Variants in NCOR1 observed in about 807,000 individuals in gnomAD.
NCOR1 encodes protein phosphatase 1, regulatory subunit 109.
In NCOR1, 63 loss-of-function variants were observed where a neutral mutation model predicts 288.1. The ratio of observed to expected loss-of-function variants is 0.22; its 90% CI spans 0.18 to 0.27. NCOR1 has a LOEUF of 0.27. Among genes scored for constraint, NCOR1 ranks in the 10% least tolerant of loss-of-function variants. The pLI, the probability that NCOR1 is intolerant of heterozygous loss-of-function variation, is 1.00. For synonymous variants in NCOR1, 1,007 were observed against 1,065.9 expected, an observed-to-expected ratio of 0.94 and a Z score of 1.08; for missense variants, 2,397 against 3,019.2, an observed-to-expected ratio of 0.79 and a Z score of 4.83.
intron 14 of NCOR1, among the ~76,000 whole-genome samples, chr17:16,128,772 C>A (rs1172000869): frequency 6.6e-6 from 1 of 152,034 alleles, no homozygotes; most frequent in African/African-American, 2.4e-5. Flanking sequence ...TTTACCTATT[C>A]ATCAAAACCA....
At chr17:16,176,274 CTTTGT>C (rs1170973810) in intron 3 of NCOR1, among the ~76,000 whole-genome samples, 1 of 151,478 alleles carries the variant, frequency 6.6e-6, no homozygotes, top group Non-Finnish European at 1.5e-5. Context: ...TTTTGTTTTG[CTTTGT>C]TTTGTTTGAA....
chr17:16,137,991 AC>A (rs1406439437), intron 13 of NCOR1, 166 bp downstream of exon 13: 10 of 562,042 alleles, frequency 1.8e-5, no homozygotes, highest in African/African-American at 1.5e-4. Flanking sequence ...GTTCTGTGTT[AC>A]GATTTCTCTA....
chr17:16,056,027 C>G (rs2059873780), intron 40 of NCOR1, among the ~76,000 whole-genome samples: 1 of 152,126 alleles, frequency 6.6e-6, no homozygotes, highest in Non-Finnish European at 1.5e-5. Flanking sequence ...GTGTATTATA[C>G]TTGTTCTCTC....
intron 43 of NCOR1, 21 bp downstream of exon 43, chr17:16,040,420 A>G (rs189986783): frequency 6.2e-7 from 1 of 1,611,010 alleles, no homozygotes; most frequent in African/African-American, 1.3e-5. Flanking sequence ...GTATTGGTAA[A>G]TAATGTCTTT....
Position 16,039,780 on chromosome 17 carries a change from C to A in NCOR1, c.6734-126G>T, listed in dbSNP as rs958638428. 1.5e-5 allele frequency: 12 copies of A among 826,380 alleles called. No individual in the cohort carries two copies. In the Admixed American group the frequency reaches 2.9e-4, roughly 20 times the overall value. The allele number at this position is 826,380 out of a possible 1,614,324, so 51.2% of individuals were successfully genotyped here. ...CAAGTGACCTAGAACAATACCAGGA[C>A]CCACCACACAGAGACCTTTTTTTTT... On this transcript the variant is annotated intron_variant, in intron 43 of 45. Coordinates refer to ENST00000268712, the MANE Select transcript of NCOR1 (RefSeq NM_006311.4).
chr17:16,056,308 CTT>C (rs71299858), intron 40 of NCOR1, among the ~76,000 whole-genome samples: 110 of 96,006 alleles, frequency 1.1e-3, no homozygotes, highest in African/African-American at 3.7e-3. Flanking sequence ...TTCTTTTTAT[CTT>C]TTTTTTTTTT....
At chr17:16,194,901 G>A (rs2089423664) in intron 1 of NCOR1, among the ~76,000 whole-genome samples, 1 of 152,126 alleles carries the variant, frequency 6.6e-6, no homozygotes, top group Non-Finnish European at 1.5e-5. Context: ...ATAAGATCTG[G>A]CACATAATAA....
intron 1 of NCOR1, among the ~76,000 whole-genome samples, chr17:16,202,761 C>T (rs550435737): frequency 6.6e-6 from 1 of 152,110 alleles, no homozygotes; most frequent in Admixed American, 6.6e-5. Context: ...CTGCTGCCTC[C>T]CCTTTGACCC....
intron 23 of NCOR1, among the ~76,000 whole-genome samples, chr17:16,085,362 G>GTAATTCCACT (rs746351698): frequency 3.6e-4 from 55 of 152,232 alleles, no homozygotes; most frequent in Admixed American, 1.8e-3. Flanking sequence ...CACAAACCTA[G>GTAATTCCACT]TAATTCCACT....
At chr17:16,215,242 TGC>T (rs1272300596) in intron 1 of NCOR1, 118 bp downstream of exon 1, 4 of 382,722 alleles carry the variant, frequency 1.0e-5, no homozygotes, top group Non-Finnish European at 1.8e-5. Context: ...TGCCCAGGCC[TGC>T]GACACCCCCC....
intron 18 of NCOR1, among the ~76,000 whole-genome samples, chr17:16,112,768 C>A (rs542864453): frequency 2.6e-5 from 4 of 152,210 alleles, no homozygotes; most frequent in African/African-American, 4.8e-5. Context: ...GGATTAAAGG[C>A]GTGAGCCACT....
At chr17:16,181,329 G>A (rs1004891116) in intron 3 of NCOR1, among the ~76,000 whole-genome samples, 41 of 148,784 alleles carry the variant, frequency 2.8e-4, no homozygotes, top group African/African-American at 9.4e-4. Flanking sequence ...CTGAAACCAC[G>A]CTGAAATAAG....
At chr17:16,041,776 G>A (rs906143743) in intron 42 of NCOR1, among the ~76,000 whole-genome samples, 22 of 148,470 alleles carry the variant, frequency 1.5e-4, no homozygotes, top group African/African-American at 2.5e-4. Context: ...TCACTCTGCC[G>A]CCCAGGCTGG....
chr17:16,094,736 C>T (rs1020963060), intron 21 of NCOR1, among the ~76,000 whole-genome samples: 11 of 152,180 alleles, frequency 7.2e-5, no homozygotes, highest in East Asian at 1.9e-4. Context: ...GACTGGTTTT[C>T]GTATTTTTTT....
chr17:16,147,368 CA>C (rs1488351585), intron 9 of NCOR1, among the ~76,000 whole-genome samples: 4 of 152,144 alleles, frequency 2.6e-5, no homozygotes, highest in South Asian at 4.2e-4. Flanking sequence ...GAGATCGCAC[CA>C]CTGCACTCCA....
intron 10 of NCOR1, among the ~76,000 whole-genome samples, chr17:16,145,511 A>AC (rs1391514726): frequency 7.3e-6 from 1 of 136,288 alleles, no homozygotes; most frequent in Non-Finnish European, 1.6e-5. Context: ...CCCGGCCACG[A>AC]CCCCGTCTGG....
At chr17:16,121,340 G>T in intron 15 of NCOR1, 71 bp from the exon 16 acceptor site, 1 of 1,228,814 alleles carries the variant, frequency 8.1e-7, no homozygotes, top group Non-Finnish European at 1.1e-6. Context: ...TTTTAGTTTT[G>T]AATATTATCT....
At chr17:16,053,453 A>G (rs966986152) in intron 40 of NCOR1, among the ~76,000 whole-genome samples, 2 of 152,194 alleles carry the variant, frequency 1.3e-5, no homozygotes, top group Non-Finnish European at 2.9e-5. Context: ...TGCCACAAAA[A>G]TAATAAAATA....
At chr17:16,040,124 G>C in intron 43 of NCOR1, 1 of 509,952 alleles carries the variant, frequency 2.0e-6, no homozygotes, top group Non-Finnish European at 3.8e-6. Context: ...AACTCCTTAA[G>C]GAAATTTGTT....
Sources: gnomAD v4.1 joint callset for allele counts (sites outside exome capture counted in the v4.1 genomes callset) on GRCh38, gnomAD v4.1.1 for gene constraint, MANE v1.5 for transcripts, NCBI Gene and HGNC (gene_info 2026-07-23, HGNC 2026-07-21) for gene names.